Variants in FNDC7 observed in about 807,000 individuals in gnomAD.
FNDC7 encodes fibronectin type III domain containing 7.
In FNDC7, 66 loss-of-function variants were observed where a neutral mutation model predicts 74.2. That is an observed-to-expected ratio of 0.89 (90% CI 0.73 to 1.09). The LOEUF is 1.09. Among genes scored for constraint, FNDC7 ranks in the 50% least tolerant of loss-of-function variants. FNDC7 has a pLI of 0.00. For synonymous variants in FNDC7, 307 were observed against 330.2 expected (o/e 0.93, Z 0.76); for missense variants, 829 against 893.4 (o/e 0.93, Z 0.92).
chr1:108,733,775 C>A (rs2101088789), intron 10 of FNDC7, among the ~76,000 whole-genome samples: 1 of 151,812 alleles, frequency 6.6e-6, no homozygotes, highest in South Asian at 2.1e-4. Context: ...CTCAGCCTCC[C>A]AAGTAGCTGC....
At chr1:108,741,594 T>C (rs1425641882) in intron 11 of FNDC7, among the ~76,000 whole-genome samples, 179 bp from the exon 12 acceptor site, 3 of 152,224 alleles carry the variant, frequency 2.0e-5, no homozygotes, top group Non-Finnish European at 4.4e-5. Context: ...GGTTAGAAAC[T>C]GCTGATCAGT....
chr1:108,727,751 C>A, intron 6 of FNDC7, 57 bp from the exon 7 acceptor site: 3 of 1,589,054 alleles, frequency 1.9e-6, no homozygotes, highest in South Asian at 1.2e-5. Context: ...ACACAGTGTA[C>A]CCCCAGCTGC....
chr1:108,730,948 A>G lies in FNDC7; in HGVS notation c.1879+20A>G. 4 of 1,592,394 alleles carry G rather than the reference A, an allele frequency of 2.5e-6. No homozygotes were observed. The South Asian group carries it at 3.5e-5, about 14-fold the overall frequency. ...TCTCTGGTAAGTGAACTCTAGCTCT[A>G]GAGTAGCAGTAAGGACTTGACTATT... On this transcript the variant is annotated intron_variant, in intron 9 of 12. Transcript: ENST00000370017.
chr1:108,720,450 G>A (rs988174151), intron 4 of FNDC7, among the ~76,000 whole-genome samples: 1 of 152,116 alleles, frequency 6.6e-6, no homozygotes, highest in Non-Finnish European at 1.5e-5. Flanking sequence ...GCATCCCCTA[G>A]AATAACTTGT....
chr1:108,715,669 G>A (rs200610360), intron 2 of FNDC7, among the ~76,000 whole-genome samples: 19,590 of 135,892 alleles, frequency 0.14, 1,504 homozygotes, highest in Non-Finnish European at 0.19. Context: ...GCGTGCGCGC[G>A]CGCACACACA....
chr1:108,738,981 A>G (rs1408336264), intron 11 of FNDC7, among the ~76,000 whole-genome samples: 1 of 152,152 alleles, frequency 6.6e-6, no homozygotes, highest in Non-Finnish European at 1.5e-5. Context: ...CTAGGTCTGC[A>G]TTCTTTAATC....
chr1:108,728,938 G>C (rs771769047), intron 8 of FNDC7, 52 bp downstream of exon 8: 1 of 1,591,124 alleles, frequency 6.3e-7, no homozygotes, highest in African/African-American at 1.3e-5. Flanking sequence ...TCCTTATGGA[G>C]TGTTTCAAGA....
chr1:108,732,404 G>C (rs575714841), intron 9 of FNDC7, among the ~76,000 whole-genome samples: 2 of 151,390 alleles, frequency 1.3e-5, no homozygotes, highest in South Asian at 4.2e-4. Flanking sequence ...CAGCAAACTT[G>C]GTCACTGGCA....
At chr1:108,714,836 GC>G (rs1660941333) in intron 2 of FNDC7, among the ~76,000 whole-genome samples, 1 of 151,704 alleles carries the variant, frequency 6.6e-6, no homozygotes, top group African/African-American at 2.4e-5. Flanking sequence ...CTCATGATCC[GC>G]CCGCCTCGGC....
intron 8 of FNDC7, 146 bp downstream of exon 8, chr1:108,729,032 C>T: frequency 1.9e-6 from 2 of 1,031,920 alleles, no homozygotes; most frequent in Non-Finnish European, 2.7e-6. Context: ...CGGTCATAGA[C>T]AATAAAATTT....
At position 108,728,831 on chromosome 1, in the gene FNDC7, G is replaced by A; in HGVS notation, c.1569G>A (p.Val523=). The change falls in exon 8 of 13, where the codon GTG becomes GTA. Residue 523 remains valine (V), a synonymous_variant. Coordinates refer to ENST00000370017, the MANE Select transcript of FNDC7 (RefSeq NM_001144937.3). ...PCGSVFSVTA[V]AETQAGRSLP... ...GCTCAGTGTTCTCTGTCACTGCTGT[G>A]GCCGAAACACAGGCAGGACGGAGCC... 1.9e-6 allele frequency: 3 copies of A among 1,614,202 alleles called. No individual in the cohort carries two copies. The highest frequency in any genetic ancestry group is 1.7e-6 in the Non-Finnish European group (2 of 1,180,044).
intron 8 of FNDC7, 37 bp from the exon 9 acceptor site, chr1:108,730,637 A>C: frequency 6.7e-7 from 1 of 1,489,644 alleles, no homozygotes; most frequent in South Asian, 1.4e-5. Context: ...TTCAGTGGAA[A>C]TAAATCTCCA....
At position 108,722,557 on chromosome 1, in the gene FNDC7, C is replaced by T; in HGVS notation, c.821C>T (p.Ser274Phe). 1.2e-6 allele frequency: 2 copies of T among 1,614,058 alleles called. No homozygotes were observed. The highest frequency in any genetic ancestry group is 1.7e-4 in the Middle Eastern group (1 of 6,056). Residue 274 changes from serine (S) to phenylalanine (F), a missense_variant, in exon 5 of 13, where the codon TCT (serine) becomes TTT (phenylalanine). By Grantham distance (155) the Ser-to-Phe change is radical. Coordinates refer to ENST00000370017, the MANE Select transcript of FNDC7 (RefSeq NM_001144937.3). ...ISVLASNDAGSSKSSSAMTLK... is the reference protein window; with the variant it reads ...ISVLASNDAGFSKSSSAMTLK... Reference sequence around the variant, plus strand: ...GTTTTAGCAAGTAATGATGCTGGATCTAGCAAATCATCTTCAGCAATGACC... The same window carrying T: ...GTTTTAGCAAGTAATGATGCTGGATTTAGCAAATCATCTTCAGCAATGACC...
At chr1:108,729,032 C>A in intron 8 of FNDC7, 146 bp downstream of exon 8, 3 of 1,031,916 alleles carry the variant, frequency 2.9e-6, no homozygotes, top group South Asian at 1.8e-5. Context: ...CGGTCATAGA[C>A]AATAAAATTT....
chr1:108,722,231 A>G, intron 4 of FNDC7, 104 bp from the exon 5 acceptor site: 1 of 1,168,874 alleles, frequency 8.6e-7, no homozygotes, highest in Non-Finnish European at 1.2e-6. Context: ...GTAATTATCC[A>G]ACTATTGGGT....
At chr1:108,724,924 T>C (rs1351439539) in intron 5 of FNDC7, among the ~76,000 whole-genome samples, 1 of 151,592 alleles carries the variant, frequency 6.6e-6, no homozygotes, top group Non-Finnish European at 1.5e-5. Flanking sequence ...CTACTAAAAG[T>C]ACAAAAATTA....
At chr1:108,713,130 T>C in intron 1 of FNDC7, 134 bp downstream of exon 1, 1 of 730,276 alleles carries the variant, frequency 1.4e-6, no homozygotes, top group Non-Finnish European at 2.2e-6. Flanking sequence ...TGTACCGAGG[T>C]TGTATATGTT....
At chr1:108,719,139 G>A in intron 4 of FNDC7, 90 bp downstream of exon 4, 9 of 1,408,736 alleles carry the variant, frequency 6.4e-6, no homozygotes, top group Non-Finnish European at 8.7e-6. Flanking sequence ...AGTGTTACAT[G>A]ACAAGTACAG....
intron 5 of FNDC7, 85 bp from the exon 6 acceptor site, chr1:108,725,665 G>T (rs2101082200): frequency 7.0e-7 from 1 of 1,434,116 alleles, no homozygotes. Flanking sequence ...TGCTAATTTG[G>T]GTTGTATTGA....
Sources: allele counts gnomAD v4.1 joint callset (sites outside exome capture counted in the v4.1 genomes callset), GRCh38; gene constraint gnomAD v4.1.1; transcripts MANE v1.5; gene names NCBI Gene and HGNC (gene_info 2026-07-23, HGNC 2026-07-21).